The following CNTN5 variants were observed in gnomAD, a reference collection of about 807,000 sequenced individuals.
CNTN5 encodes the protein contactin 5.
A neutral mutation model predicts 129.1 loss-of-function variants in CNTN5; 77 were observed. That is an observed-to-expected ratio of 0.60 (90% CI 0.50 to 0.72). The LOEUF is 0.72. CNTN5 is among the 30% of genes least tolerant of loss of function. The pLI is 0.00. For missense variants in CNTN5, 1,478 were observed against 1,328.8 expected (o/e 1.11, Z -1.75); for synonymous variants, 509 against 465.6 (o/e 1.09, Z -1.20).
chr11:99,789,724 C>T (rs1191584675), intron 3 of CNTN5, among the ~76,000 whole-genome samples: 1 of 151,974 alleles, frequency 6.6e-6, no homozygotes, highest in Admixed American at 6.6e-5. Context: ...ATGAAGTTAT[C>T]TCCTTAACCA....
At chr11:100,096,405 T>C (rs1945010883) in intron 13 of CNTN5, among the ~76,000 whole-genome samples, 1 of 152,066 alleles carries the variant, frequency 6.6e-6, no homozygotes, top group Non-Finnish European at 1.5e-5. Flanking sequence ...GATTCACTGA[T>C]ATATACCCGT....
intron 1 of CNTN5, among the ~76,000 whole-genome samples, chr11:99,137,943 A>T (rs183744633): frequency 6.6e-6 from 1 of 152,314 alleles, no homozygotes; most frequent in Non-Finnish European, 1.5e-5. Flanking sequence ...GTGTAACATT[A>T]TCTTTGTTCT....
At chr11:99,767,114 T>G (rs184409731) in intron 3 of CNTN5, among the ~76,000 whole-genome samples, 147 of 152,098 alleles carry the variant, frequency 9.7e-4, no homozygotes, top group African/African-American at 3.5e-3. Context: ...TGTCTGCATC[T>G]CTCTCTCTCT....
At chr11:99,104,063 G>T (rs768282338) in intron 1 of CNTN5, among the ~76,000 whole-genome samples, 2 of 152,180 alleles carry the variant, frequency 1.3e-5, no homozygotes, top group Non-Finnish European at 2.9e-5. Flanking sequence ...TATGTAGTTT[G>T]ATCAGTAAAT....
intron 13 of CNTN5, among the ~76,000 whole-genome samples, chr11:100,132,114 G>C (rs189400665): frequency 1.3e-5 from 2 of 152,024 alleles, no homozygotes; most frequent in East Asian, 3.9e-4. Flanking sequence ...AGCCAATTTG[G>C]CTTCCTTCAA....
At chr11:99,769,287 T>C (rs1166436087) in intron 3 of CNTN5, among the ~76,000 whole-genome samples, 1 of 152,198 alleles carries the variant, frequency 6.6e-6, no homozygotes, top group Admixed American at 6.6e-5. Flanking sequence ...TTGTATGTAC[T>C]ATTCTTTAAG....
intron 13 of CNTN5, among the ~76,000 whole-genome samples, chr11:100,136,107 G>A (rs1015098728): frequency 6.6e-6 from 1 of 152,070 alleles, no homozygotes; most frequent in African/African-American, 2.4e-5. Context: ...TAGGAAAACA[G>A]ATGTGACTAA....
At chr11:99,519,106 G>C (rs1218494981) in intron 2 of CNTN5, among the ~76,000 whole-genome samples, 1 of 151,860 alleles carries the variant, frequency 6.6e-6, no homozygotes, top group East Asian at 1.9e-4. Flanking sequence ...ACTTCACTAG[G>C]CTCTGCCTAA....
intron 1 of CNTN5, among the ~76,000 whole-genome samples, chr11:99,047,103 G>A (rs903387782): frequency 3.3e-5 from 5 of 151,808 alleles, no homozygotes; most frequent in Non-Finnish European, 4.4e-5. Context: ...TATGAATTTT[G>A]TCATTTTAAA....
At chr11:99,179,200 G>C (rs1591318558) in intron 1 of CNTN5, among the ~76,000 whole-genome samples, 2 of 152,222 alleles carry the variant, frequency 1.3e-5, no homozygotes, top group South Asian at 4.1e-4. Flanking sequence ...CCAACACTTC[G>C]GGGGGCCAAG....
chr11:100,143,367 T>C (rs1019853075), intron 13 of CNTN5, among the ~76,000 whole-genome samples: 1 of 152,134 alleles, frequency 6.6e-6, no homozygotes, highest in Non-Finnish European at 1.5e-5. Flanking sequence ...TAAATGCCAG[T>C]CCCTGAGTAG....
intron 23 of CNTN5, among the ~76,000 whole-genome samples, chr11:100,349,352 T>C (rs1209499758): frequency 6.6e-6 from 1 of 151,982 alleles, no homozygotes; most frequent in African/African-American, 2.4e-5. Context: ...TCATATTTTA[T>C]GATGCACTTG....
intron 1 of CNTN5, among the ~76,000 whole-genome samples, chr11:99,265,340 T>C (rs1862838774): frequency 6.6e-6 from 1 of 152,044 alleles, no homozygotes. Context: ...AGTATAGATT[T>C]ATCATTGTTA....
At chr11:99,495,973 A>G (rs113157179) in intron 2 of CNTN5, among the ~76,000 whole-genome samples, 4 of 152,316 alleles carry the variant, frequency 2.6e-5, no homozygotes, top group African/African-American at 9.6e-5. Flanking sequence ...GGAATTATGT[A>G]TTGAAGGAAA....
intron 3 of CNTN5, among the ~76,000 whole-genome samples, chr11:99,780,009 G>A (rs544392408): frequency 1.3e-5 from 2 of 151,916 alleles, no homozygotes; most frequent in Admixed American, 6.6e-5. Flanking sequence ...ATACGTATAC[G>A]TGAAGAGGGA....
chr11:100,149,790 G>C (rs1342949816), intron 13 of CNTN5, among the ~76,000 whole-genome samples: 1 of 151,560 alleles, frequency 6.6e-6, no homozygotes, highest in Admixed American at 6.6e-5. Flanking sequence ...AGCTACTTGG[G>C]AGGCTGAGGC....
At chr11:99,553,987 C>CACACAT (rs1948584892) in intron 2 of CNTN5, among the ~76,000 whole-genome samples, 1 of 142,360 alleles carries the variant, frequency 7.0e-6, no homozygotes, top group Non-Finnish European at 1.5e-5. Flanking sequence ...CACACACACA[C>CACACAT]ACACACACAT....
chr11:100,250,218 C>A (rs1240496290), intron 16 of CNTN5, among the ~76,000 whole-genome samples: 3 of 151,908 alleles, frequency 2.0e-5, no homozygotes, highest in Admixed American at 6.6e-5. Context: ...TGAAAAAAAA[C>A]CCTGTTAACC....
At chr11:99,819,287 CTCCTCTCCTCCCCTT>C in intron 3 of CNTN5, among the ~76,000 whole-genome samples, 1 of 101,658 alleles carries the variant, frequency 9.8e-6, no homozygotes, top group East Asian at 2.7e-4. Context: ...CCTTTTCCCT[CTCCTCTCCTCCCCTT>C]CCCTCCCCTC....
Sources: gnomAD v4.1 joint callset for allele counts (sites outside exome capture counted in the v4.1 genomes callset) on GRCh38, gnomAD v4.1.1 for gene constraint, MANE v1.5 for transcripts, NCBI Gene and HGNC (gene_info 2026-07-23, HGNC 2026-07-21) for gene names.